IFNAR2: variants seen among roughly 807,000 people sequenced by gnomAD.
The protein encoded by IFNAR2 is interferon alpha/beta receptor 2.
Under a neutral mutation model 49.4 loss-of-function variants are expected in IFNAR2, and 30 were observed. The ratio of observed to expected loss-of-function variants is 0.61; its 90% CI spans 0.45 to 0.82. The LOEUF (loss-of-function observed/expected upper bound fraction) is 0.82. Among genes scored for constraint, IFNAR2 ranks in the 40% least tolerant of loss-of-function variants. The probability of loss-of-function intolerance (pLI) is 0.00; values close to 1 mark genes in which losing one functional copy is unlikely to be tolerated. For synonymous variants in IFNAR2, 224 were observed against 234.5 expected (o/e 0.96, Z 0.41); for missense variants, 600 against 622.7 (o/e 0.96, Z 0.39).
At chr21:33,257,204 G>A (rs1988263808) in intron 7 of IFNAR2, among the ~76,000 whole-genome samples, 1 of 152,138 alleles carries the variant, frequency 6.6e-6, no homozygotes, top group Admixed American at 6.5e-5. Context: ...GCCCCCTTTT[G>A]GGCAAGGGCA....
At chr21:33,257,010 T>G (rs1988250922) in intron 7 of IFNAR2, among the ~76,000 whole-genome samples, 1 of 152,024 alleles carries the variant, frequency 6.6e-6, no homozygotes, top group Non-Finnish European at 1.5e-5. Context: ...GATTTATTGG[T>G]GGGGGCATCT....
At chr21:33,233,849 A>G (rs987815627) in intron 1 of IFNAR2, among the ~76,000 whole-genome samples, 4 of 152,148 alleles carry the variant, frequency 2.6e-5, no homozygotes, top group African/African-American at 7.2e-5. Context: ...TAATACATCT[A>G]TAGAAATTGT....
In IFNAR2 at chr21:33,253,447, C is replaced by G. The variant is rs1052079639; in HGVS notation, c.709+617C>G. On this transcript the variant is annotated intron_variant, in intron 7 of 8. Transcript: ENST00000342136. ...TTTTCTCAGGAAGTAGCCAAGTTTC[C>G]ACCTGTTTTACCAAAAGTGAGAAGC... Among the ~76,000 whole-genome samples the G allele has an allele frequency of 4.6e-5, 7 of 152,246 alleles. No homozygotes were observed. In the South Asian group the frequency reaches 6.2e-4, roughly 14 times the overall value.
At position 33,263,608 on chromosome 21, in the gene IFNAR2, G is replaced by A. The variant is rs1229111309; in HGVS notation, c.*108G>A. 5 of 1,049,862 alleles carry A rather than the reference G, an allele frequency of 4.8e-6. No homozygotes were observed. The highest frequency in any genetic ancestry group is 1.6e-5 in the African/African-American group (1 of 62,470). 65.0% of individuals were successfully genotyped at this position (1,049,862 alleles called of 1,614,324 possible). A position where few individuals can be genotyped will look rare whatever the true frequency, so the allele number is the denominator to read the frequency against. Reference sequence around the variant, plus strand: ...CTGCAAGTGTTCTCCAAGGGAAGGAGGAGGAAACTGTGGTGTTCCTTTCTT... The same window carrying A: ...CTGCAAGTGTTCTCCAAGGGAAGGAAGAGGAAACTGTGGTGTTCCTTTCTT... On this transcript the variant is annotated 3_prime_UTR_variant, in exon 9 of 9. Transcript: ENST00000342136.
At chr21:33,234,766 C>T (rs1831904752) in intron 1 of IFNAR2, 1 of 984,756 alleles carries the variant, frequency 1.0e-6, no homozygotes, top group Non-Finnish European at 1.2e-6. Context: ...AATTGGGGTT[C>T]AGCCTGGGAA....
intron 4 of IFNAR2, among the ~76,000 whole-genome samples, 173 bp downstream of exon 4, chr21:33,245,247 C>T (rs1040305389): frequency 1.3e-5 from 2 of 152,228 alleles, no homozygotes; most frequent in Non-Finnish European, 2.9e-5. Flanking sequence ...CACCATCACA[C>T]ATCCATTTTT....
At chr21:33,240,652 A>G (rs941904034) in intron 1 of IFNAR2, among the ~76,000 whole-genome samples, 1 of 152,118 alleles carries the variant, frequency 6.6e-6, no homozygotes, top group African/African-American at 2.4e-5. Context: ...TCTACAAAAA[A>G]AAGGTTTTTT....
chr21:33,263,755 A>G lies in IFNAR2; in HGVS notation c.*255A>G, dbSNP rs1988798721. 17 of 462,684 alleles carry G rather than the reference A, an allele frequency of 3.7e-5. 1 individual carries two copies. The South Asian group carries it at 4.7e-4, about 13-fold the overall frequency. 28.7% of individuals were successfully genotyped at this position (462,684 alleles called of 1,614,324 possible). ...ACATGTGCACCTTTCCTTTACACTA[A>G]TGCACTTAGGATGTTTCTGCATCAT... On this transcript the variant is annotated 3_prime_UTR_variant, in exon 9 of 9. Coordinates refer to ENST00000342136, the MANE Select transcript of IFNAR2 (RefSeq NM_001289125.3).
chr21:33,259,583 A>G (rs1223998545), intron 7 of IFNAR2, among the ~76,000 whole-genome samples: 1 of 152,192 alleles, frequency 6.6e-6, no homozygotes, highest in Non-Finnish European at 1.5e-5. Flanking sequence ...ATGAGTCACA[A>G]TCTCTGTATT....
chr21:33,233,244 C>T (rs1290269742), intron 1 of IFNAR2, among the ~76,000 whole-genome samples: 1 of 151,822 alleles, frequency 6.6e-6, no homozygotes, highest in East Asian at 1.9e-4. Flanking sequence ...GTAAGGAAGC[C>T]CAGTAAATTC....
Position 33,264,983 on chromosome 21 carries a change from CCT to C in IFNAR2, c.*1484_*1485del, listed in dbSNP as rs1988874783. ...TTCAGCCTGGGTGACAGAACCAGAC[CCT>C]GTCTTTAAAAAGGGAGTTGGTGGGG... On this transcript the variant is annotated 3_prime_UTR_variant, in exon 9 of 9. Coordinates refer to ENST00000342136, the MANE Select transcript of IFNAR2 (RefSeq NM_001289125.3). 1 of 152,100 alleles carries C rather than the reference CCT, an allele frequency of 6.6e-6. No individual in the cohort carries two copies. The allele number at this position is 152,100 out of a possible 1,614,324, so 9.4% of individuals were successfully genotyped here.
chr21:33,238,179 G>T (rs983100137), intron 1 of IFNAR2, among the ~76,000 whole-genome samples: 1 of 152,132 alleles, frequency 6.6e-6, no homozygotes, highest in Non-Finnish European at 1.5e-5. Context: ...GCACTCTTCA[G>T]CTTAAATTGC....
At chr21:33,241,630 AT>A (rs11287506) in intron 1 of IFNAR2, among the ~76,000 whole-genome samples, 44,128 of 151,288 alleles carry the variant, frequency 0.29, 7,008 homozygotes, top group East Asian at 0.58. Flanking sequence ...ACTTTTCACA[AT>A]TTTTTTTTTG....
chr21:33,252,330 C>A, intron 6 of IFNAR2: 1 of 626,216 alleles, frequency 1.6e-6, no homozygotes, highest in Non-Finnish European at 2.5e-6. Context: ...AAAGTAGACA[C>A]ACACTGTCCA....
At chr21:33,237,506 G>A (rs1270287409) in intron 1 of IFNAR2, among the ~76,000 whole-genome samples, 1 of 152,206 alleles carries the variant, frequency 6.6e-6, no homozygotes, top group Non-Finnish European at 1.5e-5. Flanking sequence ...CTGCACTCCA[G>A]CCTGGGTGAC....
At chr21:33,242,996 C>T (rs866963343) in intron 2 of IFNAR2, among the ~76,000 whole-genome samples, 10 of 151,566 alleles carry the variant, frequency 6.6e-5, no homozygotes, top group Admixed American at 1.3e-4. Context: ...ACCATGTTGG[C>T]CATGCTGGTC....
At chr21:33,233,755 T>G (rs1408825116) in intron 1 of IFNAR2, among the ~76,000 whole-genome samples, 1 of 151,978 alleles carries the variant, frequency 6.6e-6, no homozygotes, top group East Asian at 1.9e-4. Context: ...AATAGCAAAT[T>G]AAGAGATAAA....
Position 33,230,885 on chromosome 21 carries a change from C to A in IFNAR2, c.-84+669C>A, listed in dbSNP as rs1032538652. Among the ~76,000 whole-genome samples, 1 of 152,220 alleles carries A rather than the reference C, an allele frequency of 6.6e-6. No homozygotes were observed. Among genetic ancestry groups the A allele is most frequent in the African/African-American group, 2.4e-5 (1 of 41,456 alleles). ...AATATGGAGAGGCGATCGGCACTTGCATTTCAACCCTGAGCAAATCAATCC... is the reference window on the plus strand; with the variant it reads ...AATATGGAGAGGCGATCGGCACTTGAATTTCAACCCTGAGCAAATCAATCC... On this transcript the variant is annotated intron_variant, in intron 1 of 8. Transcript: ENST00000342136. The surrounding 1 kb of genome is among the most constrained non-coding windows in gnomAD (Gnocchi z 5.5).
intron 1 of IFNAR2, among the ~76,000 whole-genome samples, chr21:33,235,481 A>C (rs1394190892): frequency 2.6e-5 from 4 of 152,202 alleles, no homozygotes; most frequent in Non-Finnish European, 4.4e-5. Flanking sequence ...CTACAGACTG[A>C]GCTCACTACA....
Sources: allele counts gnomAD v4.1 joint callset (sites outside exome capture counted in the v4.1 genomes callset), GRCh38; gene constraint gnomAD v4.1.1; non-coding constraint Gnocchi (gnomAD v3.1); transcripts MANE v1.5; gene names NCBI Gene and HGNC (gene_info 2026-07-23, HGNC 2026-07-21).